CACNA1E: variants seen among roughly 807,000 people sequenced by gnomAD.
CACNA1E encodes the protein voltage-dependent R-type calcium channel subunit alpha-1E.
A neutral mutation model predicts 259.2 loss-of-function variants in CACNA1E; 40 were observed. That is an observed-to-expected ratio of 0.15 (90% confidence interval 0.12 to 0.20). The LOEUF (loss-of-function observed/expected upper bound fraction) is 0.20, where lower values mean the gene tolerates loss of function less well. Ranked by LOEUF, CACNA1E falls within the 10% of genes least tolerant of loss-of-function variation. CACNA1E has a pLI of 1.00. For missense variants in CACNA1E, 1,874 were observed against 3,040.1 expected (o/e 0.62, Z 9.02); for synonymous variants, 1,104 against 1,138.5 (o/e 0.97, Z 0.61).
At chr1:181,396,199 A>T (rs1024821660) in intron 1 of CACNA1E, among the ~76,000 whole-genome samples, 3 of 152,210 alleles carry the variant, frequency 2.0e-5, no homozygotes, top group African/African-American at 7.2e-5. Flanking sequence ...AGGGAGACAG[A>T]CTGCAGGAGA....
chr1:181,389,760 G>C (rs1244471683), intron 1 of CACNA1E, among the ~76,000 whole-genome samples: 1 of 152,226 alleles, frequency 6.6e-6, no homozygotes, highest in Non-Finnish European at 1.5e-5. Flanking sequence ...ACCCAGAGTG[G>C]CACTTGCAAA....
Position 181,732,641 on chromosome 1 carries a change from G to T in CACNA1E, c.2555G>T (p.Arg852Leu), listed in dbSNP as rs538192254. The stretch of plus-strand genomic sequence containing the variant: ...AAGTTCGAGGAGGAGCGCATCAGCC[G>T]TGGGGGGTCCCTCAAGGGGGATGGA... ...LEKFEEERIS[R>L]GGSLKGDGGD... Residue 852 changes from arginine to leucine, a missense_variant, in exon 20 of 48, where the codon CGT becomes CTT. Transcript: ENST00000367573. This position sits in a 1 kb window ranked among gnomAD's most constrained non-coding sequence, Gnocchi z 5.5. 2 of 1,502,210 alleles carry T rather than the reference G, an allele frequency of 1.3e-6. No homozygotes were observed. Among genetic ancestry groups the T allele is most frequent in the East Asian group, 2.4e-5 (1 of 42,292 alleles). The allele number at this position is 1,502,210 out of a possible 1,614,324, so 93.1% of individuals were successfully genotyped here.
intron 25 of CACNA1E, 126 bp from the exon 26 acceptor site, chr1:181,750,350 T>TATCA: frequency 1.3e-6 from 1 of 771,196 alleles, no homozygotes; most frequent in South Asian, 1.6e-5. Flanking sequence ...TCTGATTCCC[T>TATCA]ATCATTGTAG....
intron 1 of CACNA1E, among the ~76,000 whole-genome samples, chr1:181,385,489 G>A (rs1294053206): frequency 1.3e-5 from 2 of 152,144 alleles, no homozygotes; most frequent in South Asian, 2.1e-4. Flanking sequence ...GAGGTGACAG[G>A]GATGGGGATA....
At chr1:181,634,944 C>T (rs1657075247) in intron 6 of CACNA1E, among the ~76,000 whole-genome samples, 1 of 152,218 alleles carries the variant, frequency 6.6e-6, no homozygotes, top group African/African-American at 2.4e-5. Context: ...ATAAGCCGAT[C>T]ATTCTTTTCC....
intron 7 of CACNA1E, among the ~76,000 whole-genome samples, chr1:181,672,725 A>G (rs1186587755): frequency 1.3e-5 from 2 of 152,220 alleles, no homozygotes; most frequent in Non-Finnish European, 2.9e-5. Context: ...TGTGCTGGTC[A>G]TGTTCACAGA....
intron 7 of CACNA1E, among the ~76,000 whole-genome samples, chr1:181,698,181 C>T (rs984994119): frequency 6.6e-6 from 1 of 152,230 alleles, no homozygotes; most frequent in African/African-American, 2.4e-5. Context: ...AAGATGCACT[C>T]TCCTCCTCTC....
intron 44 of CACNA1E, among the ~76,000 whole-genome samples, chr1:181,790,928 G>A (rs1247973178): frequency 3.3e-5 from 5 of 152,202 alleles, no homozygotes; most frequent in Admixed American, 2.6e-4. Context: ...CTGCCTCTTA[G>A]TGTAGTTAGG....
At chr1:181,457,125 G>A (rs1450624212) in intron 2 of CACNA1E, among the ~76,000 whole-genome samples, 1 of 152,202 alleles carries the variant, frequency 6.6e-6, no homozygotes, top group African/African-American at 2.4e-5. Context: ...CAAGATCAAG[G>A]CACTGGTAGA....
intron 7 of CACNA1E, among the ~76,000 whole-genome samples, chr1:181,693,634 A>C (rs1651422917): frequency 6.6e-6 from 1 of 152,158 alleles, no homozygotes; most frequent in Non-Finnish European, 1.5e-5. Context: ...AGATGGCAAC[A>C]ATAGACACTG....
intron 6 of CACNA1E, among the ~76,000 whole-genome samples, chr1:181,639,388 G>C (rs183538218): frequency 6.6e-6 from 1 of 152,174 alleles, no homozygotes; most frequent in Non-Finnish European, 1.5e-5. Context: ...ACGCCCAGCC[G>C]AGTAGATGCT....
intron 1 of CACNA1E, among the ~76,000 whole-genome samples, chr1:181,344,281 A>T (rs538783962): frequency 1.4e-4 from 22 of 152,318 alleles, no homozygotes; most frequent in Admixed American, 1.2e-3. Context: ...CTGCTTGCTA[A>T]ATCAGTACAT....
chr1:181,486,092 C>A (rs1474354269), intron 1 of CACNA1E, among the ~76,000 whole-genome samples: 1 of 152,262 alleles, frequency 6.6e-6, no homozygotes, highest in Non-Finnish European at 1.5e-5. Context: ...AAGACACCGC[C>A]TTTCCACCAG....
chr1:181,789,113 G>A (rs903910571), intron 43 of CACNA1E, among the ~76,000 whole-genome samples: 2 of 152,268 alleles, frequency 1.3e-5, no homozygotes, highest in South Asian at 2.1e-4. Context: ...TTCCCGGTTC[G>A]GCCTTCCAAA....
chr1:181,438,849 G>T (rs1660258680), intron 2 of CACNA1E, among the ~76,000 whole-genome samples: 1 of 152,208 alleles, frequency 6.6e-6, no homozygotes, highest in African/African-American at 2.4e-5. Context: ...ATTCTGAAAA[G>T]ATGTGTACAA....
At position 181,584,003 on chromosome 1, in the gene CACNA1E, A is replaced by C. The variant is rs542457175; in HGVS notation, c.951+3227A>C. On this transcript the variant is annotated intron_variant, in intron 6 of 47. Coordinates refer to ENST00000367573, the MANE Select transcript of CACNA1E (RefSeq NM_001205293.3). Reference sequence around the variant, plus strand: ...CTGATCAATGCTCTTCATTCAACAAATGTTACTGTGGCTCGCTAACCCTCT... The same window carrying C: ...CTGATCAATGCTCTTCATTCAACAACTGTTACTGTGGCTCGCTAACCCTCT... Among the ~76,000 whole-genome samples, 6 of 152,240 alleles carry C rather than the reference A, an allele frequency of 3.9e-5. No homozygotes were observed. In the South Asian group the frequency reaches 1.2e-3, roughly 32 times the overall value.
chr1:181,399,998 A>G (rs1221432510), intron 1 of CACNA1E, among the ~76,000 whole-genome samples: 1 of 152,200 alleles, frequency 6.6e-6, no homozygotes, highest in Non-Finnish European at 1.5e-5. Flanking sequence ...TTCATTGCTA[A>G]ATTTTAGCCT....
chr1:181,712,401 T>C (rs1432920672), intron 8 of CACNA1E, among the ~76,000 whole-genome samples: 1 of 152,092 alleles, frequency 6.6e-6, no homozygotes, highest in Non-Finnish European at 1.5e-5. Context: ...GAGGAAAAAT[T>C]TGGAGTATGA....
chr1:181,745,472 A>C (rs1290431949), intron 25 of CACNA1E: 2 of 356,192 alleles, frequency 5.6e-6, no homozygotes, highest in Non-Finnish European at 1.1e-5. Context: ...CCAACAACCA[A>C]CTAGACCCAG....
Sources: gnomAD v4.1 joint callset for allele counts (sites outside exome capture counted in the v4.1 genomes callset) on GRCh38, gnomAD v4.1.1 for gene constraint, Gnocchi (gnomAD v3.1) non-coding constraint, MANE v1.5 for transcripts, NCBI Gene and HGNC (gene_info 2026-07-23, HGNC 2026-07-21) for gene names.